TENM2: variants seen among roughly 807,000 people sequenced by gnomAD.
The protein encoded by TENM2 is teneurin-2.
TENM2 carries 52 observed loss-of-function variants against 245.2 expected under a neutral mutation model. The observed-to-expected ratio is 0.21, with a 90% CI of 0.17 to 0.27. TENM2 has a LOEUF of 0.27. Among genes scored for constraint, TENM2 ranks in the 10% least tolerant of loss-of-function variants. TENM2 has a pLI of 1.00. For synonymous variants in TENM2, 1,363 were observed against 1,438.9 expected, an observed-to-expected ratio of 0.95 and a Z score of 1.19; for missense variants, 3,046 against 3,666.8, an observed-to-expected ratio of 0.83 and a Z score of 4.37.
intron 2 of TENM2, among the ~76,000 whole-genome samples, chr5:167,800,862 C>T (rs1370374574): frequency 6.6e-6 from 1 of 151,874 alleles, no homozygotes; most frequent in Non-Finnish European, 1.5e-5. Context: ...TCAGGAACCA[C>T]ACTAATTTTA....
intron 5 of TENM2, among the ~76,000 whole-genome samples, chr5:167,994,357 C>G (rs1361475552): frequency 6.6e-6 from 1 of 152,220 alleles, no homozygotes; most frequent in Non-Finnish European, 1.5e-5. Context: ...TAAACCCTCC[C>G]TTCTCGCTCA....
the TENM2 span, among the ~76,000 whole-genome samples, chr5:167,244,309 A>G: frequency 6.6e-6 from 1 of 152,204 alleles, no homozygotes; most frequent in African/African-American, 2.4e-5. Context: ...ATGTGGAAAA[A>G]ACAATGTTTC....
At chr5:168,253,571 G>A (rs1016770218) in intron 27 of TENM2, among the ~76,000 whole-genome samples, 29 of 151,810 alleles carry the variant, frequency 1.9e-4, no homozygotes, top group Non-Finnish European at 3.4e-4. Context: ...AACTACAGGC[G>A]CCCGCCACCA....
chr5:166,984,538 A>G, the TENM2 span, among the ~76,000 whole-genome samples: 3 of 152,124 alleles, frequency 2.0e-5, no homozygotes, highest in African/African-American at 7.2e-5. Context: ...AAATCTCATA[A>G]TGTGAAATAA....
intron 27 of TENM2, among the ~76,000 whole-genome samples, chr5:168,251,154 A>T (rs1320566296): frequency 1.3e-5 from 2 of 152,170 alleles, no homozygotes; most frequent in African/African-American, 4.8e-5. Flanking sequence ...ACACCTTGGG[A>T]ATGAATCAGC....
At chr5:167,451,892 A>G (rs765461870) in intron 2 of TENM2, among the ~76,000 whole-genome samples, 6 of 151,816 alleles carry the variant, frequency 4.0e-5, no homozygotes, top group Non-Finnish European at 7.4e-5. Context: ...CTTGTGATCC[A>G]CCCTCCTCGG....
chr5:167,778,091 A>G (rs566738682), intron 2 of TENM2, among the ~76,000 whole-genome samples: 1 of 152,334 alleles, frequency 6.6e-6, no homozygotes, highest in East Asian at 1.9e-4. Context: ...CTAGCCTTTT[A>G]TAGAAAAAAT....
At chr5:167,445,337 A>AGG (rs1554154186) in intron 2 of TENM2, among the ~76,000 whole-genome samples, 1,085 of 76,502 alleles carry the variant, frequency 0.014, 41 homozygotes, top group African/African-American at 0.012. Context: ...ATATATATAT[A>AGG]GAGAGAGAGA....
At chr5:167,723,191 T>A (rs1759754515) in intron 2 of TENM2, among the ~76,000 whole-genome samples, 1 of 152,180 alleles carries the variant, frequency 6.6e-6, no homozygotes, top group Admixed American at 6.5e-5. Flanking sequence ...AGTTCATTCT[T>A]TGCCCAAGGT....
In TENM2 at chr5:167,906,154, TAC is replaced by T. The variant is rs551670814; in HGVS notation, c.712+29961_712+29962del. ...TCCCACTGAACCTGTCAGAGCTTCC[TAC>T]AAGGAGGCAGCCAGGAGTGAGGTTA... On this transcript the variant is annotated intron_variant, in intron 3 of 28. Coordinates refer to ENST00000518659, the Ensembl canonical transcript of TENM2. 4.1e-3 allele frequency among the ~76,000 whole-genome samples: 619 copies of T among 152,246 alleles called. 8 individuals carry two copies. Among genetic ancestry groups the T allele is most frequent in the African/African-American group, 0.014 (577 of 41,542 alleles).
intron 2 of TENM2, among the ~76,000 whole-genome samples, chr5:167,559,623 G>GT (rs1452304769): frequency 2.0e-5 from 3 of 152,026 alleles, no homozygotes; most frequent in African/African-American, 7.2e-5. Flanking sequence ...TTTTTTCCTT[G>GT]TTAAATACAT....
chr5:167,671,743 A>G (rs1247632629), intron 2 of TENM2, among the ~76,000 whole-genome samples: 2 of 150,162 alleles, frequency 1.3e-5, no homozygotes, highest in African/African-American at 2.4e-5. Context: ...AGATATATAT[A>G]TATTTATAGC....
the TENM2 span, among the ~76,000 whole-genome samples, chr5:167,200,942 A>C: frequency 3.3e-5 from 5 of 152,196 alleles, no homozygotes; most frequent in Non-Finnish European, 1.5e-5. Flanking sequence ...TGAATATTAT[A>C]TCCCAAAGGA....
intron 2 of TENM2, among the ~76,000 whole-genome samples, chr5:167,654,293 G>A (rs1754684758): frequency 6.6e-6 from 1 of 152,048 alleles, no homozygotes; most frequent in African/African-American, 2.4e-5. Flanking sequence ...CTCTTCATTG[G>A]CCCAGTAAAT....
intron 1 of TENM2, among the ~76,000 whole-genome samples, chr5:167,327,587 C>G (rs186058040): frequency 1.3e-5 from 2 of 152,068 alleles, no homozygotes; most frequent in African/African-American, 2.4e-5. Flanking sequence ...GCCTTAGAGA[C>G]AGCATGTTCA....
chr5:168,174,416 T>C (rs576049395), intron 13 of TENM2, among the ~76,000 whole-genome samples: 2 of 152,230 alleles, frequency 1.3e-5, no homozygotes, highest in East Asian at 3.9e-4. Context: ...CTGTGAGGCT[T>C]AGATGAGTTA....
chr5:167,886,423 A>G (rs1432526399), intron 3 of TENM2, among the ~76,000 whole-genome samples: 1 of 152,250 alleles, frequency 6.6e-6, no homozygotes, highest in African/African-American at 2.4e-5. Context: ...CTTAGCTATT[A>G]AATCAGAAGG....
At chr5:167,963,448 G>A (rs1286050420) in intron 4 of TENM2, among the ~76,000 whole-genome samples, 4 of 152,146 alleles carry the variant, frequency 2.6e-5, no homozygotes, top group Non-Finnish European at 4.4e-5. Flanking sequence ...TACCAAATAA[G>A]AATTGGTCTC....
chr5:167,815,300 G>C (rs148100349), intron 2 of TENM2, among the ~76,000 whole-genome samples: 4 of 152,162 alleles, frequency 2.6e-5, no homozygotes, highest in African/African-American at 9.6e-5. Context: ...AGTTTGTAAC[G>C]ATCCCATAAT....
Sources: gnomAD v4.1 joint callset for allele counts (sites outside exome capture counted in the v4.1 genomes callset) on GRCh38, gnomAD v4.1.1 for gene constraint, MANE v1.5 for transcripts, NCBI Gene and HGNC (gene_info 2026-07-23, HGNC 2026-07-21) for gene names.